Variants in ERBB4 observed in about 807,000 individuals in gnomAD.
The protein encoded by ERBB4 is receptor tyrosine-protein kinase erbB-4.
A neutral mutation model predicts 158.0 loss-of-function variants in ERBB4; 42 were observed. The observed-to-expected ratio is 0.27, with a 90% confidence interval of 0.21 to 0.34. ERBB4 has a LOEUF of 0.34. ERBB4 is among the 10% of genes least tolerant of loss of function. The pLI is 1.00. For missense variants in ERBB4, 1,333 were observed against 1,624.1 expected (o/e 0.82, Z 3.08); for synonymous variants, 583 against 558.7 (o/e 1.04, Z -0.61).
chr2:212,489,139 G>C (rs1035819064), intron 1 of ERBB4, among the ~76,000 whole-genome samples: 2 of 151,770 alleles, frequency 1.3e-5, no homozygotes, highest in African/African-American at 2.4e-5. Context: ...TAATAGTTAA[G>C]TATAAAATAA....
intron 1 of ERBB4, among the ~76,000 whole-genome samples, chr2:212,382,411 T>C (rs2090534998): frequency 6.6e-6 from 1 of 150,938 alleles, no homozygotes; most frequent in African/African-American, 2.4e-5. Flanking sequence ...GTGTATTTTT[T>C]CCTGCAATAA....
chr2:211,746,615 G>A lies in ERBB4; in HGVS notation c.622+4024C>T, dbSNP rs1353250191. 3.9e-5 allele frequency among the ~76,000 whole-genome samples: 6 copies of A among 152,048 alleles called. No individual in the cohort carries two copies. In the East Asian group the frequency reaches 1.2e-3, roughly 29 times the overall value. On this transcript the variant is annotated intron_variant, in intron 5 of 27. Coordinates refer to ENST00000342788, the MANE Select transcript of ERBB4 (RefSeq NM_005235.3). ...AGGCCGAGGCGAGTGGATCACCTGA[G>A]GTCAGGAGTTCAAGACCAGCCTGAC...
chr2:211,986,129 C>T (rs2081930627), intron 2 of ERBB4, among the ~76,000 whole-genome samples: 1 of 152,066 alleles, frequency 6.6e-6, no homozygotes. Context: ...CAAAGAAATC[C>T]CAGGACTGCC....
At chr2:211,567,106 C>A (rs184901959) in intron 19 of ERBB4, among the ~76,000 whole-genome samples, 3 of 152,282 alleles carry the variant, frequency 2.0e-5, no homozygotes, top group Admixed American at 6.5e-5. Flanking sequence ...TGAAGCAGTT[C>A]AAACTCAAAA....
At chr2:212,271,886 C>T (rs904794677) in intron 1 of ERBB4, among the ~76,000 whole-genome samples, 7 of 151,738 alleles carry the variant, frequency 4.6e-5, no homozygotes, top group South Asian at 2.1e-4. Context: ...ATGCTCTAGA[C>T]GTTTAGCAAA....
At chr2:211,886,477 T>C (rs1169822544) in intron 3 of ERBB4, among the ~76,000 whole-genome samples, 1 of 152,200 alleles carries the variant, frequency 6.6e-6, no homozygotes, top group East Asian at 1.9e-4. Flanking sequence ...TATATGTGAA[T>C]TCTATAATTT....
intron 1 of ERBB4, among the ~76,000 whole-genome samples, chr2:212,150,846 A>T: frequency 6.6e-6 from 1 of 152,174 alleles, no homozygotes; most frequent in East Asian, 1.9e-4. Flanking sequence ...TGTAAGTTTC[A>T]TTTGATTATG....
intron 19 of ERBB4, among the ~76,000 whole-genome samples, chr2:211,581,695 T>C (rs970410537): frequency 2.6e-5 from 4 of 152,138 alleles, no homozygotes; most frequent in Non-Finnish European, 5.9e-5. Context: ...TTCACCCCTA[T>C]GGCCTCATTT....
intron 1 of ERBB4, among the ~76,000 whole-genome samples, chr2:212,164,980 T>TTTTTTTTTTTTTTGA (rs2081305105): frequency 6.6e-6 from 1 of 151,918 alleles, no homozygotes; most frequent in African/African-American, 2.4e-5. Flanking sequence ...CATTTTTAAT[T>TTTTTTTTTTTTTTGA]GTCAAGTAAC....
At chr2:211,618,607 T>G (rs1219321951) in intron 19 of ERBB4, among the ~76,000 whole-genome samples, 3 of 152,114 alleles carry the variant, frequency 2.0e-5, no homozygotes, top group African/African-American at 7.2e-5. Flanking sequence ...TGGGGTAACC[T>G]TGGGTTAACC....
intron 2 of ERBB4, among the ~76,000 whole-genome samples, chr2:212,114,644 G>T (rs1488832331): frequency 6.6e-6 from 1 of 152,144 alleles, no homozygotes; most frequent in Non-Finnish European, 1.5e-5. Flanking sequence ...ATGCCTCATT[G>T]AGTTTTTGAT....
chr2:211,935,674 C>A (rs1281666377), intron 3 of ERBB4, among the ~76,000 whole-genome samples: 2 of 152,042 alleles, frequency 1.3e-5, no homozygotes, highest in African/African-American at 4.8e-5. Flanking sequence ...AGCTTATAGG[C>A]AGCCTGTTGT....
chr2:212,159,253 T>A (rs1346092149), intron 1 of ERBB4, among the ~76,000 whole-genome samples: 1 of 128,658 alleles, frequency 7.8e-6, no homozygotes, highest in South Asian at 2.7e-4. Flanking sequence ...TAAACCGTGG[T>A]GTGTGTTTTT....
At chr2:212,192,077 T>C (rs2082284455) in intron 1 of ERBB4, among the ~76,000 whole-genome samples, 1 of 128,280 alleles carries the variant, frequency 7.8e-6, no homozygotes, top group East Asian at 2.3e-4. Flanking sequence ...ATATGTTATA[T>C]ATATTATATA....
chr2:212,527,508 T>C (rs1692515004), intron 1 of ERBB4, among the ~76,000 whole-genome samples: 1 of 152,018 alleles, frequency 6.6e-6, no homozygotes, highest in African/African-American at 2.4e-5. Context: ...AAGAGCAATA[T>C]TCCTAAAATG....
intron 1 of ERBB4, among the ~76,000 whole-genome samples, chr2:212,186,125 T>C (rs2082010830): frequency 6.6e-6 from 1 of 152,168 alleles, no homozygotes; most frequent in Non-Finnish European, 1.5e-5. Flanking sequence ...CCCATATAGA[T>C]TTTTTTAATT....
rs141301538 is a variant in ERBB4, at chr2:212,313,315, G to A, written c.83-188412C>T. Among the ~76,000 whole-genome samples, 753 of 150,830 alleles carry A rather than the reference G, an allele frequency of 5.0e-3. 4 individuals carry two copies. Among genetic ancestry groups the A allele is most frequent in the African/African-American group, 0.016 (670 of 41,352 alleles). ...AGGTAAATAAAAGATATCAACTAGA[G>A]GTCTTACAACTTTTGAAAAATTAAT... On this transcript the variant is annotated intron_variant, in intron 1 of 27. Coordinates refer to ENST00000342788, the MANE Select transcript of ERBB4 (RefSeq NM_005235.3).
At chr2:211,945,681 G>C (rs531347308) in intron 3 of ERBB4, among the ~76,000 whole-genome samples, 1 of 151,846 alleles carries the variant, frequency 6.6e-6, no homozygotes, top group South Asian at 2.1e-4. Flanking sequence ...GCACTTACTC[G>C]GTATGAAGTA....
intron 1 of ERBB4, among the ~76,000 whole-genome samples, chr2:212,222,348 A>T (rs1281538047): frequency 3.3e-5 from 5 of 151,590 alleles, no homozygotes; most frequent in Non-Finnish European, 7.4e-5. Context: ...ATTCACATTT[A>T]AAAAATTACA....
Sources: gnomAD v4.1 joint callset for allele counts (sites outside exome capture counted in the v4.1 genomes callset) on GRCh38, gnomAD v4.1.1 for gene constraint, MANE v1.5 for transcripts, NCBI Gene and HGNC (gene_info 2026-07-23, HGNC 2026-07-21) for gene names.